The following SDK1 variants were observed in gnomAD, a reference collection of about 807,000 sequenced individuals.
SDK1 encodes the protein sidekick cell adhesion molecule 1.
A neutral mutation model predicts 245.5 loss-of-function variants in SDK1; 157 were observed. That is an observed-to-expected ratio of 0.64 (90% CI 0.56 to 0.73). The LOEUF (loss-of-function observed/expected upper bound fraction) is 0.73. SDK1 is among the 30% of genes least tolerant of loss of function. The pLI is 0.00. For synonymous variants in SDK1, 1,647 were observed against 1,278.5 expected (o/e 1.29, Z -6.15); for missense variants, 3,583 against 3,002.3 (o/e 1.19, Z -4.52).
intron 1 of SDK1, among the ~76,000 whole-genome samples, chr7:3,434,266 T>C (rs1483936458): frequency 6.6e-6 from 1 of 152,232 alleles, no homozygotes; most frequent in Non-Finnish European, 1.5e-5. Context: ...ATTCTTCTAA[T>C]GCAGATGAAT....
intron 1 of SDK1, among the ~76,000 whole-genome samples, chr7:3,371,639 T>C (rs988285487): frequency 2.6e-5 from 4 of 152,002 alleles, no homozygotes; most frequent in African/African-American, 9.7e-5. Context: ...TCTCCAAAAA[T>C]AGAAGAGGAG....
At position 3,529,905 on chromosome 7, in the gene SDK1, G is replaced by A. The variant is rs185036950; in HGVS notation, c.299-89175G>A. On this transcript the variant is annotated intron_variant, in intron 1 of 44. Coordinates refer to ENST00000404826, the MANE Select transcript of SDK1 (RefSeq NM_152744.4). ...GACATCCCAGCCTGAGTCTGGGTAC[G>A]AGAAAACACTGACAGACTCTGGTTA... is the stretch of plus-strand genomic sequence containing the variant. Among the ~76,000 whole-genome samples the A allele has an allele frequency of 5.9e-5, 9 of 152,204 alleles. No homozygotes were observed. The East Asian group carries it at 1.5e-3, about 26-fold the overall frequency.
chr7:4,135,646 C>T (rs1032284329), intron 28 of SDK1, among the ~76,000 whole-genome samples: 8 of 152,192 alleles, frequency 5.3e-5, no homozygotes, highest in African/African-American at 9.7e-5. Flanking sequence ...TGAATTTATG[C>T]GTGTTTCTTA....
chr7:3,810,126 G>C (rs1779349352), intron 4 of SDK1, among the ~76,000 whole-genome samples: 1 of 152,178 alleles, frequency 6.6e-6, no homozygotes, highest in Admixed American at 6.5e-5. Context: ...GCTGTTTGCA[G>C]AGTATCCTGG....
At chr7:3,707,195 A>G (rs1039695843) in intron 4 of SDK1, among the ~76,000 whole-genome samples, 1 of 152,226 alleles carries the variant, frequency 6.6e-6, no homozygotes, top group Non-Finnish European at 1.5e-5. Flanking sequence ...ACTTTATGCT[A>G]TAAACTTTTC....
chr7:4,046,601 AT>A (rs1273601988), intron 17 of SDK1, among the ~76,000 whole-genome samples: 6 of 152,166 alleles, frequency 3.9e-5, no homozygotes, highest in African/African-American at 1.4e-4. Context: ...CCAGTGATAT[AT>A]GTGTGAGTAA....
Position 4,145,711 on chromosome 7 carries a change from C to G in SDK1, c.4229-11C>G. ...GGCTCAGCAGCTGTCTCCCATGTCA[C>G]CTGCCTGCAGGGTACCAGATTGCCT... On this transcript the variant is annotated splice_polypyrimidine_tract_variant and intron_variant, in intron 28 of 44. Transcript: ENST00000404826. 6.3e-7 allele frequency: 1 copy of G among 1,591,632 alleles called. No individual in the cohort carries two copies. The highest frequency in any genetic ancestry group is 8.6e-7 in the Non-Finnish European group (1 of 1,168,448).
At chr7:4,110,351 C>T (rs1330525362) in intron 22 of SDK1, among the ~76,000 whole-genome samples, 2 of 152,182 alleles carry the variant, frequency 1.3e-5, no homozygotes, top group Admixed American at 1.3e-4. Flanking sequence ...AAGGTCCCCT[C>T]CATCACTGAT....
rs115340595 is a variant in SDK1 at position 3,414,400 on chromosome 7, T to C, written c.298+112516T>C. Among the ~76,000 whole-genome samples the C allele has an allele frequency of 4.1e-3, 617 of 152,082 alleles. 7 individuals are homozygous for C. Among genetic ancestry groups the C allele is most frequent in the African/African-American group, 0.014 (577 of 41,476 alleles). On this transcript the variant is annotated intron_variant, in intron 1 of 44. Coordinates refer to ENST00000404826, the MANE Select transcript of SDK1 (RefSeq NM_152744.4). ...CTGACTTCTGTCATGGTGCCTGGAG[T>C]CTAAAGTGGGGAGCAGAGCATCCAG...
chr7:3,304,734 C>G (rs1338238372), intron 1 of SDK1, among the ~76,000 whole-genome samples: 1 of 152,186 alleles, frequency 6.6e-6, no homozygotes, highest in Non-Finnish European at 1.5e-5. Flanking sequence ...GAACTACTCA[C>G]TTATTACCTT....
At chr7:3,421,956 G>T (rs73034790) in intron 1 of SDK1, among the ~76,000 whole-genome samples, 4,073 of 152,214 alleles carry the variant, frequency 0.027, 74 homozygotes, top group Middle Eastern at 0.041. Flanking sequence ...TATAGCTTCA[G>T]TCCAGGAGTT....
At position 3,301,509 on chromosome 7, in the gene SDK1, C is replaced by A. The variant is rs1220856477; in HGVS notation, c.-78C>A. On this transcript the variant is annotated 5_prime_UTR_variant, in exon 1 of 45. Transcript: ENST00000404826. ...GGCGCCGCGCCTCCCGCGGAGTGGCCGCGCCCGCTCGGAGCCGTCCCGCCT... is the reference window on the plus strand; with the variant it reads ...GGCGCCGCGCCTCCCGCGGAGTGGCAGCGCCCGCTCGGAGCCGTCCCGCCT... 7 of 476,836 alleles carry A rather than the reference C, an allele frequency of 1.5e-5. No homozygotes were observed. Among genetic ancestry groups the A allele is most frequent in the Non-Finnish European group, 1.9e-5 (7 of 369,068 alleles). The allele number at this position is 476,836 out of a possible 1,614,324, so 29.5% of individuals were successfully genotyped here.
intron 20 of SDK1, among the ~76,000 whole-genome samples, chr7:4,076,689 G>A (rs1004926247): frequency 7.9e-5 from 12 of 152,178 alleles, no homozygotes; most frequent in Admixed American, 5.9e-4. Context: ...TTCAGTTCAC[G>A]CACCTGGTGC....
intron 5 of SDK1, among the ~76,000 whole-genome samples, chr7:3,908,358 C>T (rs1035045628): frequency 4.6e-5 from 7 of 152,204 alleles, no homozygotes; most frequent in Non-Finnish European, 1.0e-4. Flanking sequence ...ATCCAGGAGA[C>T]GATCAGCTTG....
chr7:3,331,947 C>T (rs11981207), intron 1 of SDK1, among the ~76,000 whole-genome samples: 15,716 of 152,122 alleles, frequency 0.1, 1,021 homozygotes, highest in African/African-American at 0.18. Context: ...TTAGTTACTG[C>T]TTACTTTACA....
intron 17 of SDK1, among the ~76,000 whole-genome samples, chr7:4,032,806 C>G (rs755901412): frequency 1.8e-4 from 27 of 152,268 alleles, no homozygotes; most frequent in Non-Finnish European, 2.2e-4. Context: ...AGTACAAATG[C>G]TGCTGGAAGT....
intron 1 of SDK1, among the ~76,000 whole-genome samples, chr7:3,597,985 G>T (rs1410059133): frequency 6.6e-6 from 1 of 152,138 alleles, no homozygotes; most frequent in East Asian, 1.9e-4. Context: ...CATTGTGTAG[G>T]TATTTAATTT....
chr7:3,313,699 A>T (rs770041310), intron 1 of SDK1, among the ~76,000 whole-genome samples: 4 of 152,188 alleles, frequency 2.6e-5, no homozygotes, highest in Non-Finnish European at 5.9e-5. Context: ...TGGTCAAAGG[A>T]TACAAAATTT....
intron 4 of SDK1, among the ~76,000 whole-genome samples, chr7:3,733,539 C>T (rs568037836): frequency 2.6e-5 from 4 of 152,238 alleles, no homozygotes; most frequent in South Asian, 2.1e-4. Flanking sequence ...TGACTGTAGA[C>T]GTGTGGCAGG....
Sources: gnomAD v4.1 joint callset for allele counts (sites outside exome capture counted in the v4.1 genomes callset) on GRCh38, gnomAD v4.1.1 for gene constraint, MANE v1.5 for transcripts, NCBI Gene and HGNC (gene_info 2026-07-23, HGNC 2026-07-21) for gene names.